THSD7B: variants seen among roughly 807,000 people sequenced by gnomAD.
THSD7B encodes the protein thrombospondin type 1 domain containing 7B.
THSD7B carries 138 observed loss-of-function variants against 213.6 expected under a neutral mutation model. That is an observed-to-expected ratio of 0.65 (90% CI 0.56 to 0.74). The LOEUF (loss-of-function observed/expected upper bound fraction) is 0.74, where lower values mean the gene tolerates loss of function less well. Ranked by LOEUF, THSD7B falls within the 30% of genes least tolerant of loss-of-function variation. The pLI is 0.00. For synonymous variants in THSD7B, 742 were observed against 687.0 expected, an observed-to-expected ratio of 1.08 and a Z score of -1.25; for missense variants, 1,931 against 1,991.5, an observed-to-expected ratio of 0.97 and a Z score of 0.58.
chr2:137,094,787 GT>G (rs536817307), intron 3 of THSD7B, 85 bp from the exon 4 acceptor site: 5 of 1,487,200 alleles, frequency 3.4e-6, no homozygotes, highest in South Asian at 1.4e-5. Context: ...AAATTTCAGA[GT>G]TTTTTTTCTC....
chr2:137,205,224 T>C (rs573352762), intron 7 of THSD7B, among the ~76,000 whole-genome samples: 5 of 152,198 alleles, frequency 3.3e-5, no homozygotes, highest in Non-Finnish European at 5.9e-5. Flanking sequence ...TTAGAAAAGA[T>C]TCTTGGAGAT....
rs764594091 is a variant in THSD7B at position 137,642,471 on chromosome 2, C to G, written c.3800-17C>G. On this transcript the variant is annotated splice_polypyrimidine_tract_variant and intron_variant, in intron 20 of 27. Transcript: ENST00000409968. ...GCCAAACTAACTGAAAAGCTGACAC[C>G]TCCCTTATCATTTTAGGTCGAATGA... 5.0e-5 allele frequency: 80 copies of G among 1,612,690 alleles called. No individual in the cohort carries two copies. In the South Asian group the frequency reaches 8.6e-4, roughly 17 times the overall value.
At position 137,676,718 on chromosome 2, in the gene THSD7B, A is replaced by G. The variant is rs188725373; in HGVS notation, c.*113A>G. 9 of 876,756 alleles carry G rather than the reference A, an allele frequency of 1.0e-5. No individual in the cohort carries two copies. The Admixed American group carries it at 3.4e-4, about 33-fold the overall frequency. 54.3% of individuals were successfully genotyped at this position (876,756 alleles called of 1,614,324 possible). Reference sequence around the variant, plus strand: ...CTCAAGATGTGATATATTGGGCAGAATACAAATATTGCAAAAGTAATATTG... The same window carrying G: ...CTCAAGATGTGATATATTGGGCAGAGTACAAATATTGCAAAAGTAATATTG... On this transcript the variant is annotated 3_prime_UTR_variant, in exon 28 of 28. Transcript: ENST00000409968.
At chr2:136,766,974 GTGTGTGTGTT>G (rs1319818839) in intron 1 of THSD7B, among the ~76,000 whole-genome samples, 1 of 142,814 alleles carries the variant, frequency 7.0e-6, no homozygotes, top group African/African-American at 2.5e-5. Context: ...GTGGTGGGGT[GTGTGTGTGTT>G]TGTGTGTGTG....
chr2:137,253,268 G>T (rs1165114455), intron 10 of THSD7B, among the ~76,000 whole-genome samples: 1 of 152,060 alleles, frequency 6.6e-6, no homozygotes, highest in Non-Finnish European at 1.5e-5. Context: ...ACATACCAAA[G>T]AAAACAAAAT....
At chr2:136,931,851 A>G (rs1684636874) in intron 2 of THSD7B, among the ~76,000 whole-genome samples, 1 of 152,224 alleles carries the variant, frequency 6.6e-6, no homozygotes, top group African/African-American at 2.4e-5. Flanking sequence ...CATTTAGTTC[A>G]GAGGTTTTAA....
chr2:137,497,992 C>T (rs1679611395), intron 15 of THSD7B, among the ~76,000 whole-genome samples: 1 of 152,188 alleles, frequency 6.6e-6, no homozygotes, highest in Admixed American at 6.5e-5. Context: ...CCTCACAATG[C>T]TGGACACTAA....
intron 17 of THSD7B, among the ~76,000 whole-genome samples, chr2:137,594,860 ATTG>A (rs1245633145): frequency 2.6e-5 from 4 of 151,894 alleles, no homozygotes; most frequent in Admixed American, 2.6e-4. Flanking sequence ...ATATCTCTCC[ATTG>A]TTAAGATCTT....
chr2:137,576,027 T>C (rs1232319773), intron 17 of THSD7B, among the ~76,000 whole-genome samples: 1 of 152,122 alleles, frequency 6.6e-6, no homozygotes, highest in African/African-American at 2.4e-5. Context: ...CATAGAATCA[T>C]CTATTCTTCA....
rs555986417 is a variant in THSD7B, at chr2:137,311,324, A to G, written c.2500+35298A>G. ...CTCTGTTTGTCTGTTGTTGGTGTAT[A>G]AGAATGCTTGTGATTTTTGTACATT... On this transcript the variant is annotated intron_variant, in intron 12 of 27. Transcript: ENST00000409968. Among the ~76,000 whole-genome samples the G allele has an allele frequency of 4.3e-3, 658 of 151,966 alleles. 8 individuals are homozygous for G. Among genetic ancestry groups the G allele is most frequent in the Non-Finnish European group, 3.9e-3 (263 of 68,014 alleles).
intron 12 of THSD7B, among the ~76,000 whole-genome samples, chr2:137,397,030 C>T (rs1334039521): frequency 1.4e-5 from 2 of 142,336 alleles, no homozygotes; most frequent in Non-Finnish European, 3.1e-5. Flanking sequence ...GTTCTTCCTC[C>T]ATCCTTTTAT....
intron 2 of THSD7B, among the ~76,000 whole-genome samples, chr2:136,974,949 G>T (rs1289178940): frequency 6.6e-6 from 1 of 151,766 alleles, no homozygotes; most frequent in African/African-American, 2.4e-5. Flanking sequence ...TCTAAGGTCA[G>T]TGATGTTGAG....
chr2:136,912,178 C>T lies in THSD7B; in HGVS notation c.139+29861C>T, dbSNP rs577683194. ...CTCTACTAAAAATACAAAAATTAGC[C>T]GGGTGTGCTGGTGGGCGCCCATAAT... On this transcript the variant is annotated intron_variant, in intron 2 of 27. Coordinates refer to ENST00000409968, the MANE Select transcript of THSD7B (RefSeq NM_001316349.2). 1.5e-4 allele frequency among the ~76,000 whole-genome samples: 23 copies of T among 151,772 alleles called. No individual in the cohort carries two copies. The South Asian group carries it at 1.9e-3, about 12-fold the overall frequency.
At chr2:137,625,158 A>G (rs1458324674) in intron 20 of THSD7B, among the ~76,000 whole-genome samples, 1 of 152,140 alleles carries the variant, frequency 6.6e-6, no homozygotes, top group Non-Finnish European at 1.5e-5. Context: ...AAAAATGATG[A>G]GTTCATGTCC....
chr2:137,402,815 CAAAAAAAA>C (rs34623127), intron 12 of THSD7B, among the ~76,000 whole-genome samples: 1 of 83,208 alleles, frequency 1.2e-5, no homozygotes, highest in Non-Finnish European at 2.5e-5. Flanking sequence ...AACTCCATCT[CAAAAAAAA>C]AAAAAAAAAA....
intron 12 of THSD7B, among the ~76,000 whole-genome samples, chr2:137,283,197 GCTCT>G (rs1683076480): frequency 6.6e-6 from 1 of 152,002 alleles, no homozygotes; most frequent in Non-Finnish European, 1.5e-5. Context: ...TCATGATTTG[GCTCT>G]CTGTTTGTCT....
chr2:137,269,719 C>T (rs1193276534), intron 10 of THSD7B, among the ~76,000 whole-genome samples: 1 of 152,128 alleles, frequency 6.6e-6, no homozygotes, highest in East Asian at 1.9e-4. Flanking sequence ...AAATATTCTT[C>T]CCACCCAAAT....
intron 10 of THSD7B, 55 bp from the exon 11 acceptor site, chr2:137,272,478 T>C: frequency 6.6e-7 from 1 of 1,518,704 alleles, no homozygotes; most frequent in Non-Finnish European, 8.8e-7. Flanking sequence ...ACCTGGATTT[T>C]GATCTGCATC....
At chr2:137,047,129 G>A (rs984288825) in intron 2 of THSD7B, among the ~76,000 whole-genome samples, 5 of 152,168 alleles carry the variant, frequency 3.3e-5, no homozygotes, top group Non-Finnish European at 7.4e-5. Flanking sequence ...GTGGATTCTT[G>A]AAGGCGGAAT....
Sources: gnomAD v4.1 joint callset for allele counts (sites outside exome capture counted in the v4.1 genomes callset) on GRCh38, gnomAD v4.1.1 for gene constraint, MANE v1.5 for transcripts, NCBI Gene and HGNC (gene_info 2026-07-23, HGNC 2026-07-21) for gene names.